The following CD8B variants were observed in gnomAD, a reference collection of about 807,000 sequenced individuals.
CD8B encodes T-cell surface glycoprotein CD8 beta chain.
A neutral mutation model predicts 24.2 loss-of-function variants in CD8B; 6 were observed. That is an observed-to-expected ratio of 0.25 (90% CI 0.14 to 0.49). The LOEUF is 0.49. CD8B is among the 20% of genes least tolerant of loss of function. The probability of loss-of-function intolerance (pLI) is 0.98; values close to 1 mark genes in which losing one functional copy is unlikely to be tolerated. For synonymous variants in CD8B, 84 were observed against 108.3 expected (o/e 0.78, Z 1.39); for missense variants, 196 against 271.3 (o/e 0.72, Z 1.95).
intron 5 of CD8B, 134 bp from the exon 6 acceptor site, chr2:86,842,453 G>C: frequency 8.6e-7 from 1 of 1,156,570 alleles, no homozygotes; most frequent in Non-Finnish European, 1.2e-6. Context: ...TTTTTTGTTA[G>C]TATGTTTCTA....
chr2:86,835,794 A>G (rs1298666700), downstream of CD8B, among the ~76,000 whole-genome samples: 1 of 147,736 alleles, frequency 6.8e-6, no homozygotes, highest in Non-Finnish European at 1.5e-5. Flanking sequence ...TGAGAAGGCA[A>G]TCCATGCCCT....
intron 5 of CD8B, among the ~76,000 whole-genome samples, chr2:86,820,827 T>C (rs1002613154): frequency 6.6e-6 from 1 of 152,262 alleles, no homozygotes; most frequent in African/African-American, 2.4e-5. Context: ...ATCATTAAGA[T>C]AACAATGCTA....
chr2:86,821,365 T>G (rs566254793), intron 5 of CD8B, among the ~76,000 whole-genome samples: 1 of 152,290 alleles, frequency 6.6e-6, no homozygotes, highest in East Asian at 1.9e-4. Context: ...AATATCCACC[T>G]CGTTCTGCGG....
At chr2:86,833,485 T>A (rs1573499695), downstream of CD8B, among the ~76,000 whole-genome samples, 1 of 131,704 alleles carries the variant, frequency 7.6e-6, no homozygotes, top group South Asian at 2.5e-4. Flanking sequence ...GGCCCTCTCC[T>A]CTCCTCTCCT....
At chr2:86,832,960 C>A in intron 5 of CD8B, 1 of 197,274 alleles carries the variant, frequency 5.1e-6, no homozygotes, top group Non-Finnish European at 1.0e-5. Context: ...CTCCCCTCCC[C>A]TCTCCTCCCC....
intron 5 of CD8B, among the ~76,000 whole-genome samples, chr2:86,831,438 C>T (rs1274247546): frequency 6.6e-6 from 1 of 152,212 alleles, no homozygotes; most frequent in African/African-American, 2.4e-5. Context: ...CAAATGGAGT[C>T]TATTCATGCA....
intron 2 of CD8B, among the ~76,000 whole-genome samples, chr2:86,854,263 C>A (rs1165161168): frequency 6.6e-6 from 1 of 152,110 alleles, no homozygotes; most frequent in African/African-American, 2.4e-5. Context: ...TTTGGCACAA[C>A]GAGCCCCTCC....
At chr2:86,861,464 A>C (rs1044588138) in intron 1 of CD8B, among the ~76,000 whole-genome samples, 34 of 152,074 alleles carry the variant, frequency 2.2e-4, no homozygotes, top group Non-Finnish European at 4.3e-4. Flanking sequence ...TCCTCCGAGC[A>C]CATCCTGCGG....
intron 5 of CD8B, among the ~76,000 whole-genome samples, chr2:86,822,720 G>C (rs1463260805): frequency 6.6e-6 from 1 of 152,114 alleles, no homozygotes; most frequent in Non-Finnish European, 1.5e-5. Flanking sequence ...TTTACAAATG[G>C]AAAGCTTAAA....
intron 5 of CD8B, among the ~76,000 whole-genome samples, chr2:86,829,330 C>T (rs1674818468): frequency 6.6e-6 from 1 of 152,050 alleles, no homozygotes; most frequent in South Asian, 2.1e-4. Flanking sequence ...TGGTCTTGAT[C>T]TCCTGACCTC....
downstream of CD8B, among the ~76,000 whole-genome samples, chr2:86,833,818 A>T (rs59677876): frequency 0.32 from 48,879 of 150,424 alleles, 8,340 homozygotes; most frequent in Non-Finnish European, 0.39. Flanking sequence ...GCCTGGCTAA[A>T]TTTTGTATTT....
intron 5 of CD8B, among the ~76,000 whole-genome samples, chr2:86,823,971 C>T (rs776933577): frequency 3.3e-5 from 5 of 151,734 alleles, no homozygotes; most frequent in Admixed American, 2.0e-4. Context: ...AGCTGGAGGA[C>T]GGAAGGGCCT....
intron 4 of CD8B, 59 bp from the exon 5 acceptor site, chr2:86,845,017 C>T: frequency 6.4e-7 from 1 of 1,552,136 alleles, no homozygotes; most frequent in East Asian, 2.4e-5. Context: ...GCGCTGAGCC[C>T]CAGAGGCCAA....
chr2:86,832,531 G>GTCACATGA (rs1270538094), intron 5 of CD8B, among the ~76,000 whole-genome samples: 1 of 151,034 alleles, frequency 6.6e-6, no homozygotes, highest in Non-Finnish European at 1.5e-5. Context: ...GAAGGGCACG[G>GTCACATGA]TCACATGAGG....
chr2:86,851,861 A>G (rs866834923), intron 3 of CD8B, among the ~76,000 whole-genome samples: 1 of 152,236 alleles, frequency 6.6e-6, no homozygotes, highest in Non-Finnish European at 1.5e-5. Flanking sequence ...CATACACTCC[A>G]GCTGAGGTGT....
rs1276549331 is a variant in CD8B at position 86,844,889 on chromosome 2, G to C, written c.620+33C>G. 12 of 1,556,818 alleles carry C rather than the reference G, an allele frequency of 7.7e-6. No homozygotes were observed. The African/African-American group carries it at 1.2e-4, about 16-fold the overall frequency. On this transcript the variant is annotated intron_variant, in intron 5 of 5. Transcript: ENST00000390655. ...GCTGCAAGCTGCAGCAGGGGCTGAG[G>C]AACCCAAGGCCACACCCAGGTTATA...
intron 3 of CD8B, among the ~76,000 whole-genome samples, chr2:86,849,540 G>T (rs1433535287): frequency 1.3e-5 from 2 of 151,984 alleles, no homozygotes; most frequent in Admixed American, 6.6e-5. Context: ...GAACAGAGAT[G>T]AGCTGTGAAC....
intron 2 of CD8B, among the ~76,000 whole-genome samples, chr2:86,854,204 G>A (rs1476127877): frequency 2.6e-5 from 4 of 152,044 alleles, no homozygotes; most frequent in Non-Finnish European, 5.9e-5. Context: ...CAGTAGATGT[G>A]GCTCCACCTG....
intron 3 of CD8B, among the ~76,000 whole-genome samples, chr2:86,848,636 T>C (rs1317448382): frequency 2.0e-5 from 3 of 150,664 alleles, no homozygotes; most frequent in Non-Finnish European, 2.9e-5. Flanking sequence ...TGAATACATA[T>C]GTGCTAAGTA....
Sources: gnomAD v4.1 joint callset for allele counts (sites outside exome capture counted in the v4.1 genomes callset) on GRCh38, gnomAD v4.1.1 for gene constraint, MANE v1.5 for transcripts, NCBI Gene and HGNC (gene_info 2026-07-23, HGNC 2026-07-21) for gene names.